Variants in GPC5 observed in about 807,000 individuals in gnomAD.
GPC5 encodes glypican-5.
A neutral mutation model predicts 53.9 loss-of-function variants in GPC5; 47 were observed. That is an observed-to-expected ratio of 0.87 (90% CI 0.69 to 1.11). The LOEUF is 1.11. Among genes scored for constraint, GPC5 ranks in the 50% most tolerant of loss-of-function variants. The pLI is 0.00. For synonymous variants in GPC5, 286 were observed against 263.3 expected (o/e 1.09, Z -0.84); for missense variants, 748 against 713.1 (o/e 1.05, Z -0.56).
At chr13:92,755,455 C>T (rs1874819087) in intron 7 of GPC5, among the ~76,000 whole-genome samples, 1 of 151,318 alleles carries the variant, frequency 6.6e-6, no homozygotes, top group African/African-American at 2.4e-5. Context: ...CAAAAGCTAG[C>T]AGAAGGCAAG....
intron 7 of GPC5, among the ~76,000 whole-genome samples, chr13:92,808,677 C>T (rs1360231984): frequency 6.6e-6 from 1 of 152,066 alleles, no homozygotes; most frequent in Non-Finnish European, 1.5e-5. Flanking sequence ...ATCAACCAAT[C>T]AGCAAAAATG....
chr13:92,260,656 C>T (rs1260240112), intron 7 of GPC5, among the ~76,000 whole-genome samples: 2 of 152,194 alleles, frequency 1.3e-5, no homozygotes. Flanking sequence ...CCCATAGCCA[C>T]AGGAAATAAG....
At chr13:92,383,391 T>C (rs1023360667) in intron 7 of GPC5, among the ~76,000 whole-genome samples, 2 of 152,232 alleles carry the variant, frequency 1.3e-5, no homozygotes, top group African/African-American at 4.8e-5. Flanking sequence ...GGACCTCTAA[T>C]ACATTTGTCT....
rs113069323 is a variant in GPC5 at position 92,743,220 on chromosome 13, T to A, written c.1562-123062T>A. The stretch of plus-strand genomic sequence containing the variant: ...TATTGATTCTTCCTATCCATGAGCA[T>A]GAAATGTTCTTCCATTTACTTGTAT... On this transcript the variant is annotated intron_variant, in intron 7 of 7. Coordinates refer to ENST00000377067, the MANE Select transcript of GPC5 (RefSeq NM_004466.6). 5.2e-3 allele frequency among the ~76,000 whole-genome samples: 795 copies of A among 152,262 alleles called. 7 individuals are homozygous for A. Among genetic ancestry groups the A allele is most frequent in the Non-Finnish European group, 7.9e-3 (540 of 68,010 alleles).
At chr13:91,436,705 G>A (rs1302884727) in intron 1 of GPC5, among the ~76,000 whole-genome samples, 1 of 152,166 alleles carries the variant, frequency 6.6e-6, no homozygotes, top group Non-Finnish European at 1.5e-5. Flanking sequence ...TGTTAGGTCT[G>A]CTTGGTGCAG....
chr13:91,681,835 T>C (rs1317057391), intron 2 of GPC5, among the ~76,000 whole-genome samples: 1 of 152,210 alleles, frequency 6.6e-6, no homozygotes, highest in East Asian at 1.9e-4. Flanking sequence ...TAGTTAATTT[T>C]TGAAAAGAAC....
chr13:91,678,349 G>C (rs1397284061), intron 2 of GPC5, among the ~76,000 whole-genome samples: 1 of 152,190 alleles, frequency 6.6e-6, no homozygotes, highest in Non-Finnish European at 1.5e-5. Context: ...GTTAGAATTT[G>C]TCGATAGTAT....
Position 91,572,063 on chromosome 13 carries a change from A to ATGTATATATATG in GPC5, c.326-121116_326-121115insTATGTGTATATA, listed in dbSNP as rs2031897301. Among the ~76,000 whole-genome samples the ATGTATATATATG allele has an allele frequency of 6.9e-5, 9 of 129,814 alleles. 1 individual carries two copies. The South Asian group carries it at 1.9e-3, about 28-fold the overall frequency. The allele number at this position is 129,814 out of a possible 152,430, so 85.2% of individuals were successfully genotyped here. ...TATATACACACATATGTATATATAC[A>ATGTATATATATG]TGTATATACACACATATGTATATGT... On this transcript the variant is annotated intron_variant, in intron 2 of 7. Coordinates refer to ENST00000377067, the MANE Select transcript of GPC5 (RefSeq NM_004466.6).
intron 5 of GPC5, among the ~76,000 whole-genome samples, chr13:91,847,470 T>A (rs1238283791): frequency 1.3e-5 from 2 of 152,164 alleles, no homozygotes; most frequent in Non-Finnish European, 2.9e-5. Context: ...AGCAACCATG[T>A]AGAATTAGGC....
chr13:92,423,658 C>A lies in GPC5; in HGVS notation c.1561+278669C>A, dbSNP rs572017749. Reference sequence around the variant, plus strand: ...TTAGCTAAATGGTACCAGCTGAGATCATTAACTTTGCTTTCATAGCAATTT... The same window carrying A: ...TTAGCTAAATGGTACCAGCTGAGATAATTAACTTTGCTTTCATAGCAATTT... On this transcript the variant is annotated intron_variant, in intron 7 of 7. Transcript: ENST00000377067. Among the ~76,000 whole-genome samples the A allele has an allele frequency of 4.6e-5, 7 of 152,336 alleles. 1 individual carries two copies. The highest frequency in any genetic ancestry group is 4.6e-4 in the Admixed American group (7 of 15,304).
chr13:91,864,901 C>CTT (rs71705146), intron 5 of GPC5, among the ~76,000 whole-genome samples: 1 of 138,588 alleles, frequency 7.2e-6, no homozygotes, highest in African/African-American at 2.6e-5. Context: ...AATTTTCTTT[C>CTT]TTTTTTTTTT....
At chr13:91,502,632 A>G (rs1884704326) in intron 2 of GPC5, among the ~76,000 whole-genome samples, 1 of 152,196 alleles carries the variant, frequency 6.6e-6, no homozygotes, top group Non-Finnish European at 1.5e-5. Context: ...TGAGAATGCT[A>G]TATATCAAGT....
intron 7 of GPC5, among the ~76,000 whole-genome samples, chr13:92,434,299 T>C (rs186040337): frequency 1.7e-4 from 26 of 152,296 alleles, no homozygotes; most frequent in Admixed American, 1.4e-3. Flanking sequence ...ACTATTTTTC[T>C]TGAGTCATTC....
chr13:92,722,890 A>T (rs1345117778), intron 7 of GPC5, among the ~76,000 whole-genome samples: 6 of 151,832 alleles, frequency 4.0e-5, no homozygotes, highest in Non-Finnish European at 4.4e-5. Context: ...TTTAGCAAAA[A>T]CTGTGAAAGT....
At chr13:92,056,583 G>A (rs894990888) in intron 6 of GPC5, among the ~76,000 whole-genome samples, 1 of 152,114 alleles carries the variant, frequency 6.6e-6, no homozygotes, top group Non-Finnish European at 1.5e-5. Context: ...CAAGGGTAAT[G>A]AGAATTAATA....
chr13:92,217,582 C>T (rs145963532), intron 7 of GPC5, among the ~76,000 whole-genome samples: 56 of 152,148 alleles, frequency 3.7e-4, no homozygotes, highest in Non-Finnish European at 7.2e-4. Flanking sequence ...TTGCCCATGC[C>T]GTATTCAGAG....
At chr13:92,469,179 G>A (rs1247886758) in intron 7 of GPC5, among the ~76,000 whole-genome samples, 1 of 151,920 alleles carries the variant, frequency 6.6e-6, no homozygotes, top group Non-Finnish European at 1.5e-5. Flanking sequence ...ATCCAAGTAG[G>A]TTATCTTAAG....
intron 2 of GPC5, among the ~76,000 whole-genome samples, chr13:91,644,722 T>C (rs987191153): frequency 1.3e-5 from 2 of 152,178 alleles, no homozygotes; most frequent in African/African-American, 4.8e-5. Context: ...TCCTAGCTAT[T>C]ATTAAAAAGC....
At chr13:92,611,996 A>G (rs1884453734) in intron 7 of GPC5, among the ~76,000 whole-genome samples, 1 of 152,098 alleles carries the variant, frequency 6.6e-6, no homozygotes, top group African/African-American at 2.4e-5. Flanking sequence ...GCTCAGAGCT[A>G]TTTTAGACAT....
Sources: gnomAD v4.1 joint callset for allele counts (sites outside exome capture counted in the v4.1 genomes callset) on GRCh38, gnomAD v4.1.1 for gene constraint, MANE v1.5 for transcripts, NCBI Gene and HGNC (gene_info 2026-07-23, HGNC 2026-07-21) for gene names.